Variants in CRCP observed in about 807,000 individuals in gnomAD.
CRCP encodes CGRP receptor component.
In CRCP, 18 loss-of-function variants were observed where a neutral mutation model predicts 18.5. That is an observed-to-expected ratio of 0.97 (90% CI 0.67 to 1.44). CRCP has a LOEUF of 1.44. Among genes scored for constraint, CRCP ranks in the 40% most tolerant of loss-of-function variants. The pLI is 0.00. For missense variants in CRCP, 130 were observed against 176.4 expected, an observed-to-expected ratio of 0.74 and a Z score of 1.49; for synonymous variants, 53 against 62.9, an observed-to-expected ratio of 0.84 and a Z score of 0.75.
At chr7:66,141,397 A>ATCTGC (rs1788134536) in intron 4 of CRCP, among the ~76,000 whole-genome samples, 1 of 151,898 alleles carries the variant, frequency 6.6e-6, no homozygotes, top group Non-Finnish European at 1.5e-5. Context: ...CCCGCCTCTG[A>ATCTGC]TCTGCTCTCT....
Position 66,134,378 on chromosome 7 carries a change from A to C in CRCP, c.239+4A>C. 1.3e-6 allele frequency: 2 copies of C among 1,589,012 alleles called. No homozygotes were observed. On this transcript the variant is annotated splice_donor_region_variant and intron_variant, in intron 4 of 5. Transcript: ENST00000395326. Reference sequence around the variant, plus strand: ...TGAAAAGCCACAAGTTGACCAAGTAAGTAAATCTCTTAAGTAGGAAGAGCG... The same window carrying C: ...TGAAAAGCCACAAGTTGACCAAGTACGTAAATCTCTTAAGTAGGAAGAGCG...
chr7:66,115,836 G>A (rs928656485), intron 1 of CRCP, among the ~76,000 whole-genome samples: 4 of 152,144 alleles, frequency 2.6e-5, no homozygotes, highest in South Asian at 2.1e-4. Flanking sequence ...AAGAAACAGG[G>A]TCTTGCTCTG....
At chr7:66,134,866 A>G (rs1444016880) in intron 4 of CRCP, among the ~76,000 whole-genome samples, 1 of 152,158 alleles carries the variant, frequency 6.6e-6, no homozygotes, top group Non-Finnish European at 1.5e-5. Flanking sequence ...GACCTTGGAA[A>G]AGGTATTTGA....
At chr7:66,127,868 CT>C in intron 2 of CRCP, 128 bp downstream of exon 2, 2 of 988,298 alleles carry the variant, frequency 2.0e-6, no homozygotes, top group Non-Finnish European at 3.1e-6. Flanking sequence ...AATCCCAGCA[CT>C]TTGGGAGGCT....
intron 4 of CRCP, among the ~76,000 whole-genome samples, chr7:66,143,662 G>T (rs758261731): frequency 6.6e-6 from 1 of 152,148 alleles, no homozygotes; most frequent in Non-Finnish European, 1.5e-5. Flanking sequence ...AGAAACTATC[G>T]TGAGACAGAT....
chr7:66,127,858 A>G, intron 2 of CRCP, 118 bp downstream of exon 2: 4 of 1,116,938 alleles, frequency 3.6e-6, no homozygotes, highest in South Asian at 1.3e-5. Flanking sequence ...TCACGCCTGT[A>G]ATCCCAGCAC....
intron 1 of CRCP, among the ~76,000 whole-genome samples, chr7:66,118,729 C>T (rs867567035): frequency 3.3e-5 from 5 of 152,120 alleles, no homozygotes; most frequent in Non-Finnish European, 7.4e-5. Context: ...CATGTAATAC[C>T]GGTTTTTGTC....
In CRCP at chr7:66,151,673, C is replaced by G. The variant is rs866242532; in HGVS notation, c.298-535C>G. Among the ~76,000 whole-genome samples the G allele has an allele frequency of 1.5e-3, 211 of 138,574 alleles. 1 individual carries two copies. The highest frequency in any genetic ancestry group is 3.9e-3 in the Middle Eastern group (1 of 254). 90.9% of individuals were successfully genotyped at this position (138,574 alleles called of 152,430 possible). A position where few individuals can be genotyped will look rare whatever the true frequency, so the allele number is the denominator to read the frequency against. ...TATGCAACCTGTTCACCACTTCTCT[C>G]TGTGTGTGTGTGTGTGTGTGTGTGT... On this transcript the variant is annotated intron_variant, in intron 5 of 5. Transcript: ENST00000395326.
chr7:66,137,926 A>T (rs923972942), intron 4 of CRCP, among the ~76,000 whole-genome samples: 16 of 152,196 alleles, frequency 1.1e-4, no homozygotes, highest in African/African-American at 3.9e-4. Context: ...TAGTGTTTTT[A>T]CATTGACTTT....
At chr7:66,149,066 T>A (rs1420515442) in intron 5 of CRCP, among the ~76,000 whole-genome samples, 1 of 152,232 alleles carries the variant, frequency 6.6e-6, no homozygotes, top group African/African-American at 2.4e-5. Flanking sequence ...GGGATTGAGA[T>A]AATAAATGTA....
chr7:66,133,276 C>A (rs570056243), intron 3 of CRCP, among the ~76,000 whole-genome samples: 2 of 152,022 alleles, frequency 1.3e-5, no homozygotes, highest in Non-Finnish European at 2.9e-5. Flanking sequence ...GAGGCCGAGG[C>A]GGGTGGATCA....
chr7:66,115,025 C>CTGAGAGG, intron 1 of CRCP, 55 bp downstream of exon 1: 3 of 1,581,934 alleles, frequency 1.9e-6, no homozygotes, highest in Non-Finnish European at 2.6e-6. Flanking sequence ...GGTTTGACCG[C>CTGAGAGG]TGAGAGCTGA....
intron 1 of CRCP, among the ~76,000 whole-genome samples, chr7:66,122,124 C>G (rs956465287): frequency 6.6e-6 from 1 of 152,064 alleles, no homozygotes; most frequent in Non-Finnish European, 1.5e-5. Flanking sequence ...GCCTGTAATC[C>G]CAGCACTTTG....
intron 4 of CRCP, among the ~76,000 whole-genome samples, chr7:66,138,827 A>G (rs547881039): frequency 2.0e-5 from 3 of 151,838 alleles, no homozygotes; most frequent in Admixed American, 2.0e-4. Flanking sequence ...ATTTCAAAAA[A>G]GATTTTCAAG....
chr7:66,138,568 G>A (rs544032503), intron 4 of CRCP, among the ~76,000 whole-genome samples: 4 of 146,428 alleles, frequency 2.7e-5, no homozygotes, highest in African/African-American at 5.1e-5. Context: ...GGCAGATCAC[G>A]AGGTCAGGAG....
At chr7:66,140,891 A>G (rs941528130) in intron 4 of CRCP, among the ~76,000 whole-genome samples, 1 of 152,226 alleles carries the variant, frequency 6.6e-6, no homozygotes, top group Non-Finnish European at 1.5e-5. Context: ...ACAAATACAT[A>G]GGCATTGTCT....
intron 5 of CRCP, among the ~76,000 whole-genome samples, chr7:66,151,944 G>A (rs1160928636): frequency 6.6e-6 from 1 of 151,618 alleles, no homozygotes; most frequent in Non-Finnish European, 1.5e-5. Context: ...TGCTTCCCAG[G>A]CTGGGGGTTT....
At chr7:66,125,343 G>C (rs1045591157) in intron 1 of CRCP, among the ~76,000 whole-genome samples, 2 of 149,130 alleles carry the variant, frequency 1.3e-5, no homozygotes, top group African/African-American at 4.9e-5. Context: ...AATACATACA[G>C]CTCGTTTAGG....
rs1017839865 is a variant in CRCP, at chr7:66,152,871, C to T, written c.*514C>T. 2 of 154,132 alleles carry T rather than the reference C, an allele frequency of 1.3e-5. No individual in the cohort carries two copies. The highest frequency in any genetic ancestry group is 4.8e-5 in the African/African-American group (2 of 41,444). The allele number at this position is 154,132 out of a possible 1,614,324, so 9.5% of individuals were successfully genotyped here. ...ACAACAGAGATAAGAAAAGAACCGG[C>T]CTGGCCAATCCTTCAACAGCTCTAG... On this transcript the variant is annotated 3_prime_UTR_variant, in exon 6 of 6. Coordinates refer to ENST00000395326, the MANE Select transcript of CRCP (RefSeq NM_014478.5).
Sources: gnomAD v4.1 joint callset for allele counts (sites outside exome capture counted in the v4.1 genomes callset) on GRCh38, gnomAD v4.1.1 for gene constraint, MANE v1.5 for transcripts, NCBI Gene and HGNC (gene_info 2026-07-23, HGNC 2026-07-21) for gene names.